Variants in NAALADL2 observed in about 807,000 individuals in gnomAD.
NAALADL2 encodes the protein N-acetylated alpha-linked acidic dipeptidase like 2, also known as inactive N-acetylated-alpha-linked acidic dipeptidase-like protein 2.
NAALADL2 carries 76 observed loss-of-function variants against 87.2 expected under a neutral mutation model. The observed-to-expected ratio is 0.87, with a 90% CI of 0.72 to 1.05. NAALADL2 has a LOEUF of 1.05. Ranked by LOEUF, NAALADL2 falls within the 50% of genes least tolerant of loss-of-function variation. The probability of loss-of-function intolerance (pLI) is 0.00; values close to 1 mark genes in which losing one functional copy is unlikely to be tolerated. For synonymous variants in NAALADL2, 354 were observed against 331.0 expected (o/e 1.07, Z -0.75); for missense variants, 1,089 against 945.8 (o/e 1.15, Z -1.99).
At chr3:174,869,363 C>T (rs994514911) in intron 1 of NAALADL2, among the ~76,000 whole-genome samples, 1 of 152,002 alleles carries the variant, frequency 6.6e-6, no homozygotes, top group Admixed American at 6.6e-5. Flanking sequence ...ATAATTTTTC[C>T]CTTTTCACAA....
rs575930907 is a variant in NAALADL2, at chr3:175,019,249, C to G, written c.44-77541C>G. ...GTTCATACTTGTTTCATCTACAGCT[C>G]AGCACAGTGTCTGCCTATACCTGGT... On this transcript the variant is annotated intron_variant, in intron 1 of 13. Coordinates refer to ENST00000454872, the MANE Select transcript of NAALADL2 (RefSeq NM_207015.3). 2.6e-5 allele frequency among the ~76,000 whole-genome samples: 4 copies of G among 152,100 alleles called. No individual in the cohort carries two copies. In the South Asian group the frequency reaches 8.3e-4, roughly 32 times the overall value.
chr3:175,451,371 G>T (rs1053369452), intron 6 of NAALADL2, among the ~76,000 whole-genome samples: 8 of 151,998 alleles, frequency 5.3e-5, no homozygotes, highest in Admixed American at 3.9e-4. Flanking sequence ...CATGAAAAAA[G>T]TTCCTCCTTA....
chr3:175,780,114 A>C (rs1181458854), intron 13 of NAALADL2, among the ~76,000 whole-genome samples: 1 of 141,952 alleles, frequency 7.0e-6, no homozygotes, highest in African/African-American at 2.8e-5. Flanking sequence ...TAAAAATACA[A>C]AAAAAAAAAA....
intron 2 of NAALADL2, among the ~76,000 whole-genome samples, chr3:174,573,565 A>C (rs946909452): frequency 6.6e-6 from 1 of 152,202 alleles, no homozygotes; most frequent in Non-Finnish European, 1.5e-5. Flanking sequence ...TGCAGGCTTT[A>C]CAAGTAGCAT....
intron 13 of NAALADL2, among the ~76,000 whole-genome samples, chr3:175,788,195 G>A (rs1464311083): frequency 3.4e-5 from 5 of 148,490 alleles, no homozygotes; most frequent in African/African-American, 1.2e-4. Flanking sequence ...CCAGGTTCAA[G>A]TGATCCTCCC....
intron 2 of NAALADL2, among the ~76,000 whole-genome samples, chr3:174,615,528 A>C (rs1720369817): frequency 6.6e-6 from 1 of 152,214 alleles, no homozygotes; most frequent in South Asian, 2.1e-4. Context: ...TGGTGTATTA[A>C]GGAAGATTTT....
intron 2 of NAALADL2, among the ~76,000 whole-genome samples, chr3:174,692,490 T>C (rs189834903): frequency 3.1e-4 from 47 of 152,258 alleles, no homozygotes; most frequent in Admixed American, 2.8e-3. Context: ...CTTTGGCTAT[T>C]TTTTTGTAAT....
At chr3:175,041,085 T>C (rs574006540) in intron 1 of NAALADL2, among the ~76,000 whole-genome samples, 1 of 152,160 alleles carries the variant, frequency 6.6e-6, no homozygotes, top group Admixed American at 6.6e-5. Flanking sequence ...TTATTATCGA[T>C]ATTTTGCATA....
chr3:175,039,257 C>G (rs1368223246), intron 1 of NAALADL2, among the ~76,000 whole-genome samples: 2 of 152,158 alleles, frequency 1.3e-5, no homozygotes, highest in Non-Finnish European at 2.9e-5. Context: ...ACCTCTGCCT[C>G]CTGGGTTCAA....
intron 4 of NAALADL2, among the ~76,000 whole-genome samples, chr3:175,301,421 TAATAAATA>T (rs147746958): frequency 6.6e-6 from 1 of 152,130 alleles, no homozygotes; most frequent in South Asian, 2.1e-4. Context: ...ACTTAAAGTA[TAATAAATA>T]AATAAATACA....
intron 4 of NAALADL2, among the ~76,000 whole-genome samples, chr3:175,302,825 C>CAT (rs111911764): frequency 0.18 from 27,683 of 150,606 alleles, 2,797 homozygotes; most frequent in African/African-American, 0.27. Flanking sequence ...CCTGTCGAAA[C>CAT]GTGTGTGTAT....
At chr3:175,730,168 T>A (rs969590377) in intron 11 of NAALADL2, among the ~76,000 whole-genome samples, 3 of 151,700 alleles carry the variant, frequency 2.0e-5, no homozygotes, top group Non-Finnish European at 4.4e-5. Context: ...CCATACTGGG[T>A]AATGAGCTAC....
chr3:175,795,991 T>A (rs1377241794), intron 13 of NAALADL2, among the ~76,000 whole-genome samples: 1 of 151,298 alleles, frequency 6.6e-6, no homozygotes, highest in Non-Finnish European at 1.5e-5. Flanking sequence ...ACTGACCAGA[T>A]CCTTGTGTTA....
intron 13 of NAALADL2, among the ~76,000 whole-genome samples, chr3:175,766,493 G>A (rs749318796): frequency 4.3e-4 from 65 of 152,028 alleles, no homozygotes; most frequent in Non-Finnish European, 7.8e-4. Flanking sequence ...AGCTGATGAA[G>A]TATTCATAAC....
chr3:174,879,561 A>G (rs545651697), intron 1 of NAALADL2, among the ~76,000 whole-genome samples: 107 of 152,032 alleles, frequency 7.0e-4, no homozygotes, highest in Non-Finnish European at 1.3e-3. Context: ...TGATGTTTTG[A>G]TTTCAATGTA....
chr3:175,243,790 G>T (rs1207408663), intron 3 of NAALADL2, among the ~76,000 whole-genome samples: 1 of 152,058 alleles, frequency 6.6e-6, no homozygotes, highest in East Asian at 1.9e-4. Context: ...ATTGAAAGGG[G>T]CAGGGAATTT....
chr3:175,279,590 A>G (rs1466609788), intron 4 of NAALADL2, among the ~76,000 whole-genome samples: 2 of 151,994 alleles, frequency 1.3e-5, no homozygotes, highest in Non-Finnish European at 2.9e-5. Flanking sequence ...CTTTAAAACC[A>G]CATACTTTAA....
At chr3:175,039,290 C>G (rs1372233250) in intron 1 of NAALADL2, among the ~76,000 whole-genome samples, 1 of 152,120 alleles carries the variant, frequency 6.6e-6, no homozygotes, top group Non-Finnish European at 1.5e-5. Context: ...CCTCAGCCTC[C>G]TGAGTAGCTG....
In NAALADL2 at chr3:175,783,049, T is replaced by G. The variant is rs570350843; in HGVS notation, c.2190-19956T>G. Among the ~76,000 whole-genome samples the G allele has an allele frequency of 4.2e-4, 63 of 150,574 alleles. 1 individual carries two copies. In the East Asian group the frequency reaches 0.011, roughly 27 times the overall value. ...AGCATTATTTCTGAGGGCTCTGTTC[T>G]GTTCCATTGATCTATATCTCTGTTT... On this transcript the variant is annotated intron_variant, in intron 13 of 13. Transcript: ENST00000454872.
Sources: allele counts gnomAD v4.1 joint callset (sites outside exome capture counted in the v4.1 genomes callset), GRCh38; gene constraint gnomAD v4.1.1; transcripts MANE v1.5; gene names NCBI Gene and HGNC (gene_info 2026-07-23, HGNC 2026-07-21).